The following OPCML variants were observed in gnomAD, a reference collection of about 807,000 sequenced individuals.
OPCML encodes the protein opioid binding protein/cell adhesion molecule like.
OPCML carries 13 observed loss-of-function variants against 37.8 expected under a neutral mutation model. That is an observed-to-expected ratio of 0.34 (90% CI 0.22 to 0.55). The LOEUF (loss-of-function observed/expected upper bound fraction) is 0.55, where lower values mean the gene tolerates loss of function less well. Ranked by LOEUF, OPCML falls within the 20% of genes least tolerant of loss-of-function variation. The pLI, the probability that OPCML is intolerant of heterozygous loss-of-function variation, is 0.91. For missense variants in OPCML, 341 were observed against 435.6 expected (o/e 0.78, Z 1.93); for synonymous variants, 176 against 168.8 (o/e 1.04, Z -0.33).
chr11:132,752,457 T>C (rs553523617), intron 2 of OPCML, among the ~76,000 whole-genome samples: 29 of 152,252 alleles, frequency 1.9e-4, no homozygotes, highest in East Asian at 9.7e-4. Flanking sequence ...CCAACAAATA[T>C]ATTTACACTG....
intron 2 of OPCML, among the ~76,000 whole-genome samples, chr11:132,668,846 G>GT (rs1300510625): frequency 6.6e-6 from 1 of 152,070 alleles, no homozygotes; most frequent in Non-Finnish European, 1.5e-5. Context: ...AACATTTTCT[G>GT]TTTTTTCAAA....
At chr11:133,316,316 A>G (rs1943203411) in intron 1 of OPCML, among the ~76,000 whole-genome samples, 1 of 152,206 alleles carries the variant, frequency 6.6e-6, no homozygotes, top group Non-Finnish European at 1.5e-5. Context: ...CAATCTAGAT[A>G]TTCACAGAAA....
intron 1 of OPCML, among the ~76,000 whole-genome samples, chr11:133,052,230 G>A (rs1948145708): frequency 6.6e-6 from 1 of 152,152 alleles, no homozygotes; most frequent in Non-Finnish European, 1.5e-5. Context: ...ATAATGATGA[G>A]TTTCAAATAC....
At chr11:133,190,754 G>C (rs1435212069) in intron 1 of OPCML, among the ~76,000 whole-genome samples, 1 of 152,032 alleles carries the variant, frequency 6.6e-6, no homozygotes, top group Admixed American at 6.6e-5. Context: ...TTTGCGACTA[G>C]CTTCTTTCAC....
chr11:133,468,914 C>T (rs1947037058), intron 1 of OPCML, among the ~76,000 whole-genome samples: 1 of 152,020 alleles, frequency 6.6e-6, no homozygotes. Context: ...TATTGATAAT[C>T]AGGAATATTC....
At chr11:132,434,910 G>A (rs1253418191) in intron 7 of OPCML, among the ~76,000 whole-genome samples, 1 of 152,026 alleles carries the variant, frequency 6.6e-6, no homozygotes, top group Non-Finnish European at 1.5e-5. Context: ...CAAATATAAG[G>A]TTCTTGTTTT....
chr11:132,428,505 A>C (rs2095985208), intron 7 of OPCML, among the ~76,000 whole-genome samples: 1 of 152,216 alleles, frequency 6.6e-6, no homozygotes, highest in South Asian at 2.1e-4. Flanking sequence ...TCTTCAGCGG[A>C]GCTCACAAAT....
chr11:133,233,272 T>G (rs555934773), intron 1 of OPCML, among the ~76,000 whole-genome samples: 10 of 152,162 alleles, frequency 6.6e-5, no homozygotes, highest in Non-Finnish European at 1.3e-4. Context: ...GATCAGAACG[T>G]GCCATCCCCA....
chr11:133,223,603 G>A lies in OPCML; in HGVS notation c.62-280593C>T, dbSNP rs188745249. Among the ~76,000 whole-genome samples, 21 of 152,174 alleles carry A rather than the reference G, an allele frequency of 1.4e-4. No homozygotes were observed. The East Asian group carries it at 3.1e-3, about 22-fold the overall frequency. On this transcript the variant is annotated intron_variant, in intron 1 of 7. Coordinates refer to ENST00000524381, the MANE Select transcript of OPCML (RefSeq NM_001012393.5). ...AGAAAGGAAACCACATTCCAGTTGCGGCAGAATCAATAAAAGATTTTGTTT... is the reference window on the plus strand; with the variant it reads ...AGAAAGGAAACCACATTCCAGTTGCAGCAGAATCAATAAAAGATTTTGTTT...
chr11:133,063,762 A>G (rs1254619751), intron 1 of OPCML, among the ~76,000 whole-genome samples: 1 of 152,120 alleles, frequency 6.6e-6, no homozygotes, highest in African/African-American at 2.4e-5. Context: ...AAGTTTCACC[A>G]TGTTAGCCAG....
chr11:132,927,702 G>A (rs1369898368), intron 2 of OPCML, among the ~76,000 whole-genome samples: 1 of 151,934 alleles, frequency 6.6e-6, no homozygotes, highest in African/African-American at 2.4e-5. Context: ...TGTCATTTTA[G>A]TTTATAACTC....
At chr11:133,501,870 C>T (rs934399474) in intron 1 of OPCML, among the ~76,000 whole-genome samples, 17 of 152,132 alleles carry the variant, frequency 1.1e-4, no homozygotes, top group Non-Finnish European at 2.1e-4. Context: ...TCCCTCCCCT[C>T]CGTCCTAATC....
intron 4 of OPCML, among the ~76,000 whole-genome samples, 161 bp downstream of exon 4, chr11:132,528,900 C>T (rs1298221809): frequency 4.6e-5 from 7 of 152,218 alleles, no homozygotes; most frequent in Non-Finnish European, 1.0e-4. Flanking sequence ...TCTATGAATC[C>T]TTCTTTTGAA....
rs867688083 is a variant in OPCML, at chr11:133,007,746, G to C, written c.62-64736C>G. On this transcript the variant is annotated intron_variant, in intron 1 of 7. Coordinates refer to ENST00000524381, the MANE Select transcript of OPCML (RefSeq NM_001012393.5). ...GGAAGCAGACCCAGGCCCACACAGA[G>C]TGGTGAAAAGACGCAGGCATAGACA... 20 of 985,352 alleles carry C rather than the reference G, an allele frequency of 2.0e-5. No individual in the cohort carries two copies. The African/African-American group carries it at 3.0e-4, about 15-fold the overall frequency. The allele number at this position is 985,352 out of a possible 1,614,324, so 61.0% of individuals were successfully genotyped here. A position where few individuals can be genotyped will look rare whatever the true frequency, so the allele number is the denominator to read the frequency against.
intron 1 of OPCML, among the ~76,000 whole-genome samples, chr11:133,198,721 T>C (rs1462254288): frequency 1.3e-5 from 2 of 152,160 alleles, no homozygotes; most frequent in Non-Finnish European, 2.9e-5. Context: ...CCCATTTCCA[T>C]AGCCACAGCT....
intron 2 of OPCML, among the ~76,000 whole-genome samples, chr11:132,790,722 T>C (rs558475538): frequency 6.6e-6 from 1 of 152,338 alleles, no homozygotes; most frequent in East Asian, 1.9e-4. Context: ...AAAGGTCTGT[T>C]TCCATCTCTT....
intron 4 of OPCML, among the ~76,000 whole-genome samples, chr11:132,477,851 G>C (rs1313294198): frequency 6.6e-6 from 1 of 152,022 alleles, no homozygotes; most frequent in Non-Finnish European, 1.5e-5. Context: ...AAATCTCTTG[G>C]GGTGCATAGA....
At chr11:133,283,827 C>T (rs1942226452) in intron 1 of OPCML, among the ~76,000 whole-genome samples, 1 of 152,172 alleles carries the variant, frequency 6.6e-6, no homozygotes, top group Admixed American at 6.5e-5. Flanking sequence ...AGAAAACCCA[C>T]TTTCTAGTCT....
At position 132,887,604 on chromosome 11, in the gene OPCML, C is replaced by T. The variant is rs371404952; in HGVS notation, c.146+55322G>A. 5.9e-5 allele frequency among the ~76,000 whole-genome samples: 9 copies of T among 152,162 alleles called. No homozygotes were observed. The East Asian group carries it at 9.6e-4, about 16-fold the overall frequency. On this transcript the variant is annotated intron_variant, in intron 2 of 7. Transcript: ENST00000524381. ...AAACTTAGGAATGAGGATGATGATACCCATTTGGGAGTATCTAAACAAGAA... is the reference window on the plus strand; with the variant it reads ...AAACTTAGGAATGAGGATGATGATATCCATTTGGGAGTATCTAAACAAGAA...
Sources: allele counts gnomAD v4.1 joint callset (sites outside exome capture counted in the v4.1 genomes callset), GRCh38; gene constraint gnomAD v4.1.1; transcripts MANE v1.5; gene names NCBI Gene and HGNC (gene_info 2026-07-23, HGNC 2026-07-21).